PRKG1: variants seen among roughly 807,000 people sequenced by gnomAD.
PRKG1 encodes the protein protein kinase cGMP-dependent 1.
A neutral mutation model predicts 88.1 loss-of-function variants in PRKG1; 35 were observed. That is an observed-to-expected ratio of 0.40 (90% CI 0.30 to 0.53). PRKG1 has a LOEUF of 0.53. PRKG1 is among the 20% of genes least tolerant of loss of function. PRKG1 has a pLI of 0.59. For synonymous variants in PRKG1, 303 were observed against 292.5 expected (o/e 1.04, Z -0.37); for missense variants, 540 against 839.8 (o/e 0.64, Z 4.41).
rs2454566 is a variant in PRKG1, at chr10:51,973,785, C to T, written c.762+66215C>T. On this transcript the variant is annotated intron_variant, in intron 5 of 17. Coordinates refer to ENST00000373980, the MANE Select transcript of PRKG1 (RefSeq NM_006258.4). ...TAGCCAATTGCTCCCTAAACATAAACGGGCAGGGAGTTCAGAGTAGCGACA... is the reference window on the plus strand; with the variant it reads ...TAGCCAATTGCTCCCTAAACATAAATGGGCAGGGAGTTCAGAGTAGCGACA... 5.9e-5 allele frequency among the ~76,000 whole-genome samples: 9 copies of T among 151,920 alleles called. No homozygotes were observed. The East Asian group carries it at 7.8e-4, about 13-fold the overall frequency.
At chr10:51,572,305 A>G (rs1025920464) in intron 3 of PRKG1, among the ~76,000 whole-genome samples, 1 of 151,890 alleles carries the variant, frequency 6.6e-6, no homozygotes, top group Non-Finnish European at 1.5e-5. Flanking sequence ...AATATATTAG[A>G]GTGCTTTAAG....
rs943356950 is a variant in PRKG1, at chr10:51,553,879, A to G, written c.592+86043A>G. Among the ~76,000 whole-genome samples the G allele has an allele frequency of 2.4e-3, 285 of 119,282 alleles. 5 individuals are homozygous for G. The highest frequency in any genetic ancestry group is 7.4e-3 in the African/African-American group (223 of 30,160). 78.3% of individuals were successfully genotyped at this position (119,282 alleles called of 152,430 possible). A position where few individuals can be genotyped will look rare whatever the true frequency, so the allele number is the denominator to read the frequency against. Reference sequence around the variant, plus strand: ...TGTATATAATATATGTATGTATTAGATACGTGTATATAATATATGTATGTA... The same window carrying G: ...TGTATATAATATATGTATGTATTAGGTACGTGTATATAATATATGTATGTA... On this transcript the variant is annotated intron_variant, in intron 3 of 17. Transcript: ENST00000373980.
intron 5 of PRKG1, among the ~76,000 whole-genome samples, chr10:51,994,622 C>G (rs1267698369): frequency 6.6e-6 from 1 of 152,128 alleles, no homozygotes; most frequent in Non-Finnish European, 1.5e-5. Flanking sequence ...CCTTAAGGAG[C>G]CTTAGTCCTT....
At chr10:51,270,472 A>G (rs1420305492) in intron 2 of PRKG1, among the ~76,000 whole-genome samples, 1 of 152,140 alleles carries the variant, frequency 6.6e-6, no homozygotes, top group East Asian at 1.9e-4. Flanking sequence ...TATTATGCTT[A>G]TAAAATTTCC....
At chr10:52,277,149 G>T (rs1841890409) in intron 12 of PRKG1, among the ~76,000 whole-genome samples, 1 of 152,112 alleles carries the variant, frequency 6.6e-6, no homozygotes, top group Admixed American at 6.6e-5. Context: ...TACAATTTGT[G>T]GTCTGTTTGC....
chr10:51,721,022 C>T (rs117019456), intron 3 of PRKG1, among the ~76,000 whole-genome samples: 1 of 151,832 alleles, frequency 6.6e-6, no homozygotes, highest in Non-Finnish European at 1.5e-5. Flanking sequence ...GTTTGGGCAA[C>T]ATGGGAAGAC....
At chr10:51,107,565 G>A (rs545037961) in intron 1 of PRKG1, among the ~76,000 whole-genome samples, 19 of 152,016 alleles carry the variant, frequency 1.2e-4, no homozygotes, top group African/African-American at 4.1e-4. Context: ...CCTCATCTGG[G>A]CGCGTTCATG....
intron 9 of PRKG1, among the ~76,000 whole-genome samples, chr10:52,205,795 G>A (rs1449562628): frequency 6.6e-6 from 1 of 152,132 alleles, no homozygotes; most frequent in East Asian, 1.9e-4. Flanking sequence ...TTAGCCTGAT[G>A]GGATTCCTTT....
At chr10:51,654,115 G>T (rs1840105743) in intron 3 of PRKG1, among the ~76,000 whole-genome samples, 1 of 151,882 alleles carries the variant, frequency 6.6e-6, no homozygotes. Flanking sequence ...TCAATGTCAA[G>T]AAACTTTTTG....
intron 2 of PRKG1, among the ~76,000 whole-genome samples, chr10:51,433,479 G>A (rs1481768730): frequency 6.6e-6 from 1 of 152,052 alleles, no homozygotes; most frequent in Non-Finnish European, 1.5e-5. Context: ...ATATATGGCT[G>A]GCATTCAATA....
intron 2 of PRKG1, among the ~76,000 whole-genome samples, chr10:51,188,231 C>T (rs1837543929): frequency 6.6e-6 from 1 of 151,960 alleles, no homozygotes; most frequent in Non-Finnish European, 1.5e-5. Flanking sequence ...TAACTGACCT[C>T]AGCTAGCCAT....
intron 7 of PRKG1, among the ~76,000 whole-genome samples, chr10:52,121,718 T>G (rs1017388055): frequency 2.0e-5 from 3 of 152,352 alleles, no homozygotes; most frequent in Middle Eastern, 3.4e-3. Context: ...TCTCTGAAAC[T>G]TCATCAGAAT....
chr10:51,185,089 T>G (rs1401822099), intron 2 of PRKG1, among the ~76,000 whole-genome samples: 1 of 152,182 alleles, frequency 6.6e-6, no homozygotes. Flanking sequence ...ATATTTAGCT[T>G]ATTTTATCAT....
At chr10:51,902,229 G>A (rs75479055) in intron 4 of PRKG1, among the ~76,000 whole-genome samples, 12,296 of 152,122 alleles carry the variant, frequency 0.081, 622 homozygotes, top group African/African-American at 0.13. Flanking sequence ...CAATTCTCCT[G>A]CCTCAGCTTC....
At chr10:51,946,976 C>T (rs1843054549) in intron 5 of PRKG1, among the ~76,000 whole-genome samples, 1 of 152,042 alleles carries the variant, frequency 6.6e-6, no homozygotes, top group Non-Finnish European at 1.5e-5. Context: ...CTGGGAGAAC[C>T]ACTGCTCTCT....
chr10:51,849,745 A>ATTT (rs1840496327), intron 4 of PRKG1, among the ~76,000 whole-genome samples: 1 of 152,160 alleles, frequency 6.6e-6, no homozygotes, highest in Non-Finnish European at 1.5e-5. Context: ...TATTTAAATG[A>ATTT]AATAATAATA....
chr10:51,369,647 G>C (rs1293439952), intron 2 of PRKG1, among the ~76,000 whole-genome samples: 1 of 152,090 alleles, frequency 6.6e-6, no homozygotes, highest in African/African-American at 2.4e-5. Context: ...CAGGTCTCTT[G>C]GTTGGCAGTC....
chr10:51,468,628 T>C (rs748072874), intron 3 of PRKG1, among the ~76,000 whole-genome samples: 3 of 151,886 alleles, frequency 2.0e-5, no homozygotes, highest in Non-Finnish European at 1.5e-5. Flanking sequence ...GGCAAACGTG[T>C]GTATTTCATG....
At chr10:51,064,265 C>T (rs1208519807) in intron 1 of PRKG1, among the ~76,000 whole-genome samples, 2 of 151,916 alleles carry the variant, frequency 1.3e-5, no homozygotes, top group Admixed American at 1.3e-4. Flanking sequence ...TCATGAGACT[C>T]CCAGTTTGTG....
Sources: gnomAD v4.1 joint callset for allele counts (sites outside exome capture counted in the v4.1 genomes callset) on GRCh38, gnomAD v4.1.1 for gene constraint, MANE v1.5 for transcripts, NCBI Gene and HGNC (gene_info 2026-07-23, HGNC 2026-07-21) for gene names.